The following QSOX1 variants were observed in gnomAD, a reference collection of about 807,000 sequenced individuals.
The protein encoded by QSOX1 is sulfhydryl oxidase 1.
QSOX1 carries 40 observed loss-of-function variants against 76.1 expected under a neutral mutation model. The ratio of observed to expected loss-of-function variants is 0.53; its 90% confidence interval spans 0.41 to 0.68. The LOEUF is 0.68. Ranked by LOEUF, QSOX1 falls within the 30% of genes least tolerant of loss-of-function variation. The pLI is 0.00. For synonymous variants in QSOX1, 392 were observed against 413.1 expected, an observed-to-expected ratio of 0.95 and a Z score of 0.62; for missense variants, 931 against 974.3, an observed-to-expected ratio of 0.96 and a Z score of 0.59.
chr1:180,178,477 C>T (rs2149236919), intron 4 of QSOX1, among the ~76,000 whole-genome samples: 1 of 152,364 alleles, frequency 6.6e-6, no homozygotes, highest in African/African-American at 2.4e-5. Context: ...ATCCACCCGC[C>T]TCAGCCTCCC....
In QSOX1 at chr1:180,157,521, C is replaced by T. The variant is rs531646249; in HGVS notation, c.265+2349C>T. On this transcript the variant is annotated intron_variant, in intron 1 of 11. Transcript: ENST00000367602. ...GGACACCTGTATCTTGAGGCAGGAA[C>T]AGAGACAGAGTGAAGGTCACAGGGA... Among the ~76,000 whole-genome samples, 3 of 152,304 alleles carry T rather than the reference C, an allele frequency of 2.0e-5. No homozygotes were observed. In the East Asian group the frequency reaches 5.8e-4, roughly 29 times the overall value.
chr1:180,191,540 G>A lies in QSOX1; in HGVS notation c.1288+960G>A, dbSNP rs73040468. Among the ~76,000 whole-genome samples the A allele has an allele frequency of 5.4e-3, 829 of 152,368 alleles. 9 individuals are homozygous for A. The highest frequency in any genetic ancestry group is 0.019 in the African/African-American group (789 of 41,580). On this transcript the variant is annotated intron_variant, in intron 10 of 11. Transcript: ENST00000367602. ...GAGCATCTCCACCATGCCATGTGGCGCTGCAGGTGCCGGGGACACAGCAGC... is the reference window on the plus strand; with the variant it reads ...GAGCATCTCCACCATGCCATGTGGCACTGCAGGTGCCGGGGACACAGCAGC...
In QSOX1 at chr1:180,176,159, C is replaced by T. The variant is rs137874790; in HGVS notation, c.515+126C>T. The T allele has an allele frequency of 2.4e-4, 179 of 731,270 alleles. 2 individuals are homozygous for T. The East Asian group carries it at 4.9e-3, about 20-fold the overall frequency. The allele number at this position is 731,270 out of a possible 1,614,324, so 45.3% of individuals were successfully genotyped here. A position where few individuals can be genotyped will look rare whatever the true frequency, so the allele number is the denominator to read the frequency against. Reference sequence around the variant, plus strand: ...TTCCTTGCTGCCTTTGCCTGTGGGGCTCACACACCAGTCTGCTGGAGCTAC... The same window carrying T: ...TTCCTTGCTGCCTTTGCCTGTGGGGTTCACACACCAGTCTGCTGGAGCTAC... On this transcript the variant is annotated intron_variant, in intron 4 of 11. Transcript: ENST00000367602.
intron 10 of QSOX1, among the ~76,000 whole-genome samples, chr1:180,191,632 G>T (rs1331823363): frequency 6.6e-6 from 1 of 152,266 alleles, no homozygotes; most frequent in Non-Finnish European, 1.5e-5. Flanking sequence ...ACAGAGGGAT[G>T]GCTTCAGCCA....
At chr1:180,165,333 A>G (rs1304278927) in intron 1 of QSOX1, among the ~76,000 whole-genome samples, 2 of 152,192 alleles carry the variant, frequency 1.3e-5, no homozygotes, top group African/African-American at 4.8e-5. Context: ...CATCTGCTTC[A>G]GAGACGCATG....
At chr1:180,163,290 C>G (rs971958133) in intron 1 of QSOX1, among the ~76,000 whole-genome samples, 1 of 152,198 alleles carries the variant, frequency 6.6e-6, no homozygotes, top group African/African-American at 2.4e-5. Context: ...CAAAATGACT[C>G]TCTTTTTCCC....
chr1:180,186,204 C>T (rs1217797044), intron 8 of QSOX1, 22 bp downstream of exon 8: 1 of 1,601,366 alleles, frequency 6.2e-7, no homozygotes, highest in Non-Finnish European at 8.5e-7. Flanking sequence ...CATGGCTTCC[C>T]TTGTCTGTGC....
chr1:180,168,901 C>T (rs1662699486), intron 2 of QSOX1, among the ~76,000 whole-genome samples: 1 of 152,222 alleles, frequency 6.6e-6, no homozygotes, highest in Non-Finnish European at 1.5e-5. Flanking sequence ...CCTGTCCTTG[C>T]ACTCTGTCCA....
intron 1 of QSOX1, among the ~76,000 whole-genome samples, chr1:180,158,944 T>G (rs1339548651): frequency 1.3e-5 from 2 of 152,236 alleles, no homozygotes; most frequent in African/African-American, 2.4e-5. Flanking sequence ...GAGAGACATG[T>G]GGAGCTCACG....
intron 11 of QSOX1, 123 bp downstream of exon 11, chr1:180,194,515 G>A: frequency 2.1e-6 from 2 of 957,434 alleles, no homozygotes; most frequent in Non-Finnish European, 3.0e-6. Context: ...CACAGCCCAG[G>A]CCTGTTAACC....
chr1:180,196,862 C>T lies in QSOX1; in HGVS notation c.2069C>T (p.Ala690Val). 2 of 1,600,936 alleles carry T rather than the reference C, an allele frequency of 1.2e-6. No homozygotes were observed. Among genetic ancestry groups the T allele is most frequent in the Non-Finnish European group, 1.7e-6 (2 of 1,171,878 alleles). The stretch of plus-strand genomic sequence containing the variant: ...CCTGAGGGCCAGCTGGAGGCCCGAG[C>T]TGGACGGGGCCGAGGCCAGTGGCTG... The part of the protein sequence containing the change: ...DIPEGQLEAR[A>V]GRGRGQWLQV... Residue 690 changes from alanine (A) to valine (V), a missense_variant, in exon 12 of 12, where the codon GCT becomes GTT. Transcript: ENST00000367602. This position sits in a 1 kb window ranked among gnomAD's most constrained non-coding sequence, Gnocchi z 4.1.
chr1:180,183,923 G>A lies in QSOX1; in HGVS notation c.760G>A (p.Glu254Lys). The A allele has an allele frequency of 6.2e-7, 1 of 1,613,492 alleles. No individual in the cohort carries two copies. Among genetic ancestry groups the A allele is most frequent in the South Asian group, 1.1e-5 (1 of 91,008 alleles). Residue 254 changes from glutamate to lysine, a missense_variant, in exon 7 of 12, where the codon GAA becomes AAA. Physicochemically the swap from Glu to Lys is moderately conservative, Grantham distance 56. Coordinates refer to ENST00000367602, the MANE Select transcript of QSOX1 (RefSeq NM_002826.5). ...GGTTCTGTGCCCTCACAGGCTCATG[G>A]AATCCAGGTCCTTCTATACCGCTTA... ...GSVSRVPVLM[E>K]SRSFYTAYLQ... is the part of the protein sequence containing the mutation.
chr1:180,185,544 C>G (rs1663149710), intron 7 of QSOX1, among the ~76,000 whole-genome samples: 1 of 152,244 alleles, frequency 6.6e-6, no homozygotes, highest in Non-Finnish European at 1.5e-5. Context: ...AATACAGGCC[C>G]TGCTTCCCCT....
In QSOX1 at chr1:180,203,361, A is replaced by G. The variant is rs4651060; in HGVS notation, c.*6324A>G. The G allele has an allele frequency of 0.79, 119,911 of 152,036 alleles. 47,654 individuals carry two copies. Among genetic ancestry groups the G allele is most frequent in the African/African-American group, 0.83 (34,360 of 41,432 alleles). 9.4% of individuals were successfully genotyped at this position (152,036 alleles called of 1,614,324 possible). On this transcript the variant is annotated 3_prime_UTR_variant, in exon 12 of 12. Transcript: ENST00000367602. ...ATATTTAGAAAGCAACATTAGGATGAACTTAAGTCAGGGCTTGGACTAGAG... is the reference window on the plus strand; with the variant it reads ...ATATTTAGAAAGCAACATTAGGATGGACTTAAGTCAGGGCTTGGACTAGAG...
chr1:180,194,110 G>GT, intron 10 of QSOX1, 103 bp from the exon 11 acceptor site: 1 of 1,113,086 alleles, frequency 9.0e-7, no homozygotes, highest in Non-Finnish European at 1.3e-6. Context: ...CTGTGCAGGG[G>GT]TGGCCACGGC....
Position 180,183,660 on chromosome 1 carries a change from A to G in QSOX1, c.753-256A>G, listed in dbSNP as rs11802007. Among the ~76,000 whole-genome samples the G allele has an allele frequency of 8.4e-3, 1,284 of 152,264 alleles. 25 individuals carry two copies. The highest frequency in any genetic ancestry group is 0.03 in the African/African-American group (1,226 of 41,558). Reference sequence around the variant, plus strand: ...GCCACTGGGGGAATTCTTGGGCCCAATTGCCTTACCAGGTGAGGTTTGACA... The same window carrying G: ...GCCACTGGGGGAATTCTTGGGCCCAGTTGCCTTACCAGGTGAGGTTTGACA... On this transcript the variant is annotated intron_variant, in intron 6 of 11. Coordinates refer to ENST00000367602, the MANE Select transcript of QSOX1 (RefSeq NM_002826.5).
intron 7 of QSOX1, 53 bp from the exon 8 acceptor site, chr1:180,186,000 C>A: frequency 6.2e-7 from 1 of 1,600,122 alleles, no homozygotes; most frequent in Non-Finnish European, 8.6e-7. Context: ...CCTTGCAGCC[C>A]CTGCACCATG....
chr1:180,186,232 G>A (rs754392363), intron 8 of QSOX1, 50 bp downstream of exon 8: 23 of 1,505,818 alleles, frequency 1.5e-5, no homozygotes, highest in Non-Finnish European at 2.0e-5. Context: ...CGGATGGTCA[G>A]TGTGCGTTCC....
In QSOX1 at chr1:180,196,114, C is replaced by T; in HGVS notation, c.1469-148C>T. On this transcript the variant is annotated intron_variant, in intron 11 of 11. Coordinates refer to ENST00000367602, the MANE Select transcript of QSOX1 (RefSeq NM_002826.5). This position sits in a 1 kb window ranked among gnomAD's most constrained non-coding sequence, Gnocchi z 4.1. ...CCCACTGTGGGCTAGTGTTTGTAAT[C>T]TGTATTTTCTAATTACCCATCCTCT... 9.9e-7 allele frequency: 1 copy of T among 1,011,528 alleles called. No individual in the cohort carries two copies. The highest frequency in any genetic ancestry group is 1.7e-5 in the South Asian group (1 of 57,704). 62.7% of individuals were successfully genotyped at this position (1,011,528 alleles called of 1,614,324 possible).
Sources: allele counts gnomAD v4.1 joint callset (sites outside exome capture counted in the v4.1 genomes callset), GRCh38; gene constraint gnomAD v4.1.1; non-coding constraint Gnocchi (gnomAD v3.1); transcripts MANE v1.5; gene names NCBI Gene and HGNC (gene_info 2026-07-23, HGNC 2026-07-21).